Variants in MSH6 observed in about 807,000 individuals in gnomAD.
MSH6 encodes DNA mismatch repair protein Msh6.
In MSH6, 85 loss-of-function variants were observed where a neutral mutation model predicts 119.1. That is an observed-to-expected ratio of 0.71 (90% CI 0.60 to 0.85). MSH6 has a LOEUF of 0.85. Ranked by LOEUF, MSH6 falls within the 40% of genes least tolerant of loss-of-function variation. The probability of loss-of-function intolerance (pLI) is 0.00; values close to 1 mark genes in which losing one functional copy is unlikely to be tolerated. For synonymous variants in MSH6, 830 were observed against 586.9 expected (o/e 1.41, Z -5.99); for missense variants, 2,163 against 1,655.3 (o/e 1.31, Z -5.32).
Position 47,806,817 on chromosome 2 carries a change from C to T in MSH6, c.4040C>T (p.Ala1347Val), listed in dbSNP as rs1670216397. The T allele has an allele frequency of 1.9e-6, 3 of 1,607,856 alleles. No homozygotes were observed. Among genetic ancestry groups the T allele is most frequent in the Non-Finnish European group, 2.5e-6 (3 of 1,178,326 alleles). Reference protein sequence around the residue: ...CLASERSTVDAEAVHKLLTLI... With the variant: ...CLASERSTVDVEAVHKLLTLI... ...GCTAGTGAAAGGTCAACTGTAGATG[C>T]TGAAGCTGTCCATAAATTGCTGACT... Residue 1347 changes from alanine (A) to valine (V), a missense_variant, in exon 10 of 10, where the codon GCT becomes GTT. Ala to Val is a moderately conservative substitution (Grantham distance 64). Transcript: ENST00000234420.
At chr2:47,806,149 C>G in intron 7 of MSH6, 55 bp from the exon 8 acceptor site, 1 of 1,275,486 alleles carries the variant, frequency 7.8e-7, no homozygotes, top group Non-Finnish European at 1.1e-6. Context: ...GTTTTAATTC[C>G]TTTTTTGTTT....
intron 1 of MSH6, chr2:47,784,749 C>G (rs1215706968): frequency 6.6e-6 from 1 of 152,258 alleles, no homozygotes; most frequent in Non-Finnish European, 1.5e-5. Flanking sequence ...GCGCTAGCCA[C>G]CGCGCCCGGT....
At chr2:47,803,714 G>A in intron 5 of MSH6, 29 bp downstream of exon 5, 3 of 1,613,620 alleles carry the variant, frequency 1.9e-6, no homozygotes, top group Non-Finnish European at 2.5e-6. Context: ...TTTGTTATCA[G>A]AAAGTCATTT....
chr2:47,808,090 G>C (rs201160461), downstream of MSH6: 8 of 1,579,018 alleles, frequency 5.1e-6, no homozygotes, highest in Admixed American at 1.8e-5. Flanking sequence ...ATGTTACAAT[G>C]GCAGGACTTT....
intron 1 of MSH6, among the ~76,000 whole-genome samples, chr2:47,789,821 A>AT (rs926326425): frequency 6.7e-5 from 10 of 149,564 alleles, no homozygotes; most frequent in African/African-American, 1.5e-4. Flanking sequence ...TAAATTTTGT[A>AT]TTTTTTTTCC....
rs267608064 is a variant in MSH6 at position 47,799,613 on chromosome 2, GAA to G, written c.1634_1635del (p.Lys545ArgfsTer17). ...NYSKYLLSLK[E>X]KEEDSSGHTR... ...CAGTAAGTATCTTCTTAGCCTCAAA[GAA>G]AAAGAGGAAGATTCTTCTGGCCATA... On this transcript the variant is annotated frameshift_variant, in exon 4 of 10. Coordinates refer to ENST00000234420, the MANE Select transcript of MSH6 (RefSeq NM_000179.3). LOFTEE classifies it high-confidence loss of function. The G allele has an allele frequency of 2.5e-6, 4 of 1,614,020 alleles. No homozygotes were observed. The highest frequency in any genetic ancestry group is 2.5e-6 in the Non-Finnish European group (3 of 1,180,024).
chr2:47,799,731 G>C lies in MSH6; in HGVS notation c.1748G>C (p.Arg583Thr), dbSNP rs1421598686. ...GATGATCGCCATTGTTCGAGATTTA[G>C]GACTCTAGTGGCACACTATCCCCCA... ...FSDDRHCSRF[R>T]TLVAHYPPVQ... Residue 583 changes from arginine to threonine, a missense_variant, in exon 4 of 10, where the codon AGG (arginine) becomes ACG (threonine). Transcript: ENST00000234420. The C allele has an allele frequency of 1.9e-6, 3 of 1,614,140 alleles. No homozygotes were observed. The highest frequency in any genetic ancestry group is 2.2e-5 in the East Asian group (1 of 44,882).
chr2:47,806,633 A>G lies in MSH6; in HGVS notation c.3983A>G (p.Gln1328Arg), dbSNP rs587779940. The change falls in exon 9 of 10, where the codon CAG becomes CGG. Residue 1328 changes from glutamine (Q) to arginine (R), a missense_variant. Physicochemically the swap from Gln to Arg is conservative, Grantham distance 43. Coordinates refer to ENST00000234420, the MANE Select transcript of MSH6 (RefSeq NM_000179.3). ...GCAAGAGAATTTGAGAAGATGAATC[A>G]GTCACTACGATTATTTCGGTAACTA... ...RKAREFEKMNQSLRLFREVCL... is the reference protein window; with the variant it reads ...RKAREFEKMNRSLRLFREVCL... 2 of 1,611,028 alleles carry G rather than the reference A, an allele frequency of 1.2e-6. No homozygotes were observed. Among genetic ancestry groups the G allele is most frequent in the Non-Finnish European group, 1.7e-6 (2 of 1,179,416 alleles).
At chr2:47,788,915 T>TC (rs1558650179) in intron 1 of MSH6, among the ~76,000 whole-genome samples, 1 of 59,412 alleles carries the variant, frequency 1.7e-5, no homozygotes, top group Non-Finnish European at 3.6e-5. Flanking sequence ...TCCTTTTTTT[T>TC]TTTTTTGTTT....
rs1572716545 is a variant in MSH6, at chr2:47,796,064, G to A, written c.627+1G>A. ...GCCAGAAGAGGAAGAAGAGATGGAG[G>A]TGGGACACGGCAAGCATTCAGTTGT... On this transcript the variant is annotated splice_donor_variant, in intron 3 of 9. Transcript: ENST00000234420. LOFTEE classifies it high-confidence loss of function. 6.2e-7 allele frequency: 1 copy of A among 1,614,038 alleles called. No individual in the cohort carries two copies. Among genetic ancestry groups the A allele is most frequent in the Non-Finnish European group, 8.5e-7 (1 of 1,179,970 alleles).
Position 47,806,340 on chromosome 2 carries a change from T to C in MSH6, c.3783T>C (p.Ala1261=), listed in dbSNP as rs1254462699. The change falls in exon 8 of 10, where the codon GCT becomes GCC. Residue 1261 remains alanine, a synonymous_variant. Coordinates refer to ENST00000234420, the MANE Select transcript of MSH6 (RefSeq NM_000179.3). ...TAGAAGATTATTCTCAAAATGTTGC[T>C]GTGCGCCTAGGACATATGGTATGTG... ...SLVEDYSQNV[A]VRLGHMACMV... The C allele has an allele frequency of 6.2e-7, 1 of 1,614,174 alleles. No homozygotes were observed. Among genetic ancestry groups the C allele is most frequent in the Admixed American group, 1.7e-5 (1 of 60,020 alleles).
chr2:47,803,491 C>G lies in MSH6; in HGVS notation c.3244C>G (p.Pro1082Ala), dbSNP rs186240214. The change falls in exon 5 of 10, where the codon CCG becomes GCG. Residue 1082 changes from proline to alanine, a missense_variant. By Grantham distance (27) the Pro-to-Ala change is conservative. Coordinates refer to ENST00000234420, the MANE Select transcript of MSH6 (RefSeq NM_000179.3). ...GPMCRPVILL[P>A]EDTPPFLELK... ...TATGTGTCGCCCAGTAATTCTGTTG[C>G]CGGAAGATACCCCCCCCTTCTTAGA... 1 of 1,614,118 alleles carries G rather than the reference C, an allele frequency of 6.2e-7. No homozygotes were observed. The highest frequency in any genetic ancestry group is 8.5e-7 in the Non-Finnish European group (1 of 1,180,030).
At chr2:47,807,922 C>A, downstream of MSH6, 1 of 540,972 alleles carries the variant, frequency 1.8e-6, no homozygotes, top group Non-Finnish European at 3.3e-6. Flanking sequence ...CTAAAACACC[C>A]AGCTTTGAGA....
chr2:47,795,973 A>G lies in MSH6; in HGVS notation c.537A>G (p.Ala179=), dbSNP rs1558656591. 1 of 1,614,192 alleles carries G rather than the reference A, an allele frequency of 6.2e-7. No individual in the cohort carries two copies. Among genetic ancestry groups the G allele is most frequent in the Admixed American group, 1.7e-5 (1 of 60,012 alleles). The part of the protein sequence containing the change: ...KPEILRAMQR[A]DEALNKDKIK... ...AAATACTGAGAGCAATGCAACGTGC[A>G]GATGAAGCCTTAAATAAAGACAAGA... is the stretch of plus-strand genomic sequence containing the variant. Residue 179 remains alanine, a synonymous_variant, in exon 3 of 10, where the codon GCA becomes GCG. Coordinates refer to ENST00000234420, the MANE Select transcript of MSH6 (RefSeq NM_000179.3).
At chr2:47,785,660 T>G (rs1232737448) in intron 1 of MSH6, among the ~76,000 whole-genome samples, 1 of 152,196 alleles carries the variant, frequency 6.6e-6, no homozygotes, top group African/African-American at 2.4e-5. Flanking sequence ...TAAATATATA[T>G]AGTTGTGCAT....
intron 1 of MSH6, among the ~76,000 whole-genome samples, chr2:47,786,033 A>G (rs1668327506): frequency 6.6e-6 from 1 of 152,170 alleles, no homozygotes; most frequent in East Asian, 1.9e-4. Context: ...ACAACCATGA[A>G]CAGGACAAAG....
At chr2:47,794,209 C>T (rs1394265070) in intron 2 of MSH6, among the ~76,000 whole-genome samples, 1 of 151,826 alleles carries the variant, frequency 6.6e-6, no homozygotes, top group African/African-American at 2.4e-5. Context: ...GGCATGGTGA[C>T]ACATGCCTGT....
At chr2:47,801,220 A>T (rs2104445341) in intron 4 of MSH6, 65 bp downstream of exon 4, 1 of 1,529,464 alleles carries the variant, frequency 6.5e-7, no homozygotes, top group South Asian at 1.1e-5. Context: ...GCTGTATATT[A>T]TCCCTAAAAA....
At chr2:47,790,569 T>C (rs1668662818) in intron 1 of MSH6, among the ~76,000 whole-genome samples, 1 of 152,202 alleles carries the variant, frequency 6.6e-6, no homozygotes, top group Non-Finnish European at 1.5e-5. Flanking sequence ...GATATGTACA[T>C]ACCATATTGT....
Sources: gnomAD v4.1 joint callset for allele counts (sites outside exome capture counted in the v4.1 genomes callset) on GRCh38, gnomAD v4.1.1 for gene constraint, MANE v1.5 for transcripts, NCBI Gene and HGNC (gene_info 2026-07-23, HGNC 2026-07-21) for gene names.